Variants in SBF2 observed in about 807,000 individuals in gnomAD.
SBF2 encodes myotubularin-related protein 13.
A neutral mutation model predicts 225.2 loss-of-function variants in SBF2; 112 were observed. That is an observed-to-expected ratio of 0.50 (90% CI 0.43 to 0.58). The LOEUF (loss-of-function observed/expected upper bound fraction) is 0.58. Ranked by LOEUF, SBF2 falls within the 20% of genes least tolerant of loss-of-function variation. The pLI, the probability that SBF2 is intolerant of heterozygous loss-of-function variation, is 0.00. For missense variants in SBF2, 1,996 were observed against 2,206.2 expected (o/e 0.90, Z 1.91); for synonymous variants, 763 against 773.3 (o/e 0.99, Z 0.22).
chr11:9,785,874 G>GT (rs78852702), intron 36 of SBF2, among the ~76,000 whole-genome samples: 4 of 150,502 alleles, frequency 2.7e-5, no homozygotes, highest in African/African-American at 4.9e-5. Flanking sequence ...GATGTTGATG[G>GT]TTTTTTTTTT....
chr11:9,996,249 T>C (rs906113019), intron 9 of SBF2, among the ~76,000 whole-genome samples: 5 of 152,222 alleles, frequency 3.3e-5, no homozygotes, highest in African/African-American at 1.2e-4. Context: ...TTAATCACTG[T>C]AGGAATTCTA....
At chr11:9,833,702 G>A (rs574043315) in intron 26 of SBF2, among the ~76,000 whole-genome samples, 1 of 151,552 alleles carries the variant, frequency 6.6e-6, no homozygotes, top group Admixed American at 6.6e-5. Flanking sequence ...TTACAGGCAT[G>A]AGCCACCGTG....
intron 1 of SBF2, among the ~76,000 whole-genome samples, chr11:10,277,882 C>T (rs1194111852): frequency 1.3e-5 from 2 of 152,198 alleles, no homozygotes; most frequent in African/African-American, 4.8e-5. Flanking sequence ...GTCACCTTAA[C>T]TTCAGACTTC....
At chr11:10,262,923 G>T (rs1235698867) in intron 1 of SBF2, among the ~76,000 whole-genome samples, 1 of 151,712 alleles carries the variant, frequency 6.6e-6, no homozygotes, top group Admixed American at 6.6e-5. Flanking sequence ...GATCCTCAGG[G>T]AGTCTATAAT....
intron 17 of SBF2, among the ~76,000 whole-genome samples, chr11:9,880,016 G>T (rs1023291418): frequency 2.0e-5 from 3 of 149,032 alleles, no homozygotes; most frequent in African/African-American, 7.4e-5. Flanking sequence ...CCTGGGATGT[G>T]GAGGTTGCAG....
intron 1 of SBF2, among the ~76,000 whole-genome samples, chr11:10,231,512 CT>C (rs1350209092): frequency 1.3e-5 from 2 of 152,148 alleles, no homozygotes; most frequent in Admixed American, 6.6e-5. Flanking sequence ...CTGTTTGTTA[CT>C]TTTCCTTCTA....
intron 17 of SBF2, among the ~76,000 whole-genome samples, chr11:9,859,202 A>C (rs192018130): frequency 3.2e-4 from 48 of 152,210 alleles, no homozygotes; most frequent in Non-Finnish European, 5.9e-5. Flanking sequence ...ATAACACCAA[A>C]TTGTCTTTCA....
At chr11:10,155,927 T>G (rs1190877763) in intron 2 of SBF2, among the ~76,000 whole-genome samples, 1 of 152,200 alleles carries the variant, frequency 6.6e-6, no homozygotes, top group African/African-American at 2.4e-5. Flanking sequence ...CCAGCTGCAG[T>G]CAGGGACGTG....
At chr11:9,920,845 G>C (rs1316424745) in intron 16 of SBF2, among the ~76,000 whole-genome samples, 3 of 152,078 alleles carry the variant, frequency 2.0e-5, no homozygotes, top group African/African-American at 7.2e-5. Context: ...CATGGAGAGA[G>C]ACCACGTCTT....
At chr11:10,274,449 T>C (rs983006703) in intron 1 of SBF2, among the ~76,000 whole-genome samples, 1 of 152,118 alleles carries the variant, frequency 6.6e-6, no homozygotes, top group African/African-American at 2.4e-5. Context: ...TTTCATTTTA[T>C]TAAGAGAATT....
Position 9,832,306 on chromosome 11 carries a change from A to C in SBF2, c.3570T>G (p.Ser1190Arg), listed in dbSNP as rs2133937154. The change falls in exon 27 of 40, where the codon AGT becomes AGG. Residue 1190 changes from serine to arginine, a missense_variant. Coordinates refer to ENST00000256190, the MANE Select transcript of SBF2 (RefSeq NM_030962.4). ...LPVVCWKNSR[S>R]GTLLLRSGGF... Reference sequence around the variant, plus strand: ...CTCCAGATCGGAGGAGCAGAGTACCACTTCTTGAGTTCTTCCAACATACAA... The same window carrying C: ...CTCCAGATCGGAGGAGCAGAGTACCCCTTCTTGAGTTCTTCCAACATACAA... 1.2e-6 allele frequency: 2 copies of C among 1,614,140 alleles called. No homozygotes were observed. Among genetic ancestry groups the C allele is most frequent in the East Asian group, 4.5e-5 (2 of 44,874 alleles).
chr11:9,976,755 T>C (rs72857108), intron 13 of SBF2, among the ~76,000 whole-genome samples: 16,783 of 151,942 alleles, frequency 0.11, 1,051 homozygotes, highest in Non-Finnish European at 0.13. Flanking sequence ...TCTTTTCTTT[T>C]TTTTTGTTGT....
intron 2 of SBF2, among the ~76,000 whole-genome samples, 194 bp from the exon 3 acceptor site, chr11:10,043,175 T>C (rs915896334): frequency 1.3e-5 from 2 of 152,154 alleles, no homozygotes; most frequent in African/African-American, 2.4e-5. Flanking sequence ...GCATATATAT[T>C]TCATGAAGAT....
chr11:10,058,578 T>C (rs1386577068), intron 2 of SBF2, among the ~76,000 whole-genome samples: 2 of 152,186 alleles, frequency 1.3e-5, no homozygotes, highest in Non-Finnish European at 2.9e-5. Flanking sequence ...GCAAACAACG[T>C]GGAACATATA....
chr11:9,831,905 T>G (rs912242366), intron 27 of SBF2, among the ~76,000 whole-genome samples: 2 of 152,186 alleles, frequency 1.3e-5, no homozygotes, highest in African/African-American at 2.4e-5. Context: ...GAAAAAAGAT[T>G]GGTATAACCT....
intron 2 of SBF2, among the ~76,000 whole-genome samples, chr11:10,125,292 T>C (rs1159886706): frequency 1.3e-5 from 2 of 152,134 alleles, no homozygotes; most frequent in African/African-American, 4.8e-5. Context: ...TTCGATTTTC[T>C]AATACTTTGC....
In SBF2 at chr11:10,214,350, G is replaced by A. The variant is rs140528938; in HGVS notation, c.56-20363C>T. ...GTTAAAAACAGCCAATTGGCCGGGCGCGGTGGCTCACGCCTATAATCCCAA... is the reference window on the plus strand; with the variant it reads ...GTTAAAAACAGCCAATTGGCCGGGCACGGTGGCTCACGCCTATAATCCCAA... On this transcript the variant is annotated intron_variant, in intron 1 of 39. Transcript: ENST00000256190. Among the ~76,000 whole-genome samples the A allele has an allele frequency of 3.4e-3, 514 of 152,294 alleles. 10 individuals are homozygous for A. The highest frequency in any genetic ancestry group is 0.024 in the Admixed American group (363 of 15,298).
intron 2 of SBF2, among the ~76,000 whole-genome samples, chr11:10,186,820 C>T (rs1003908619): frequency 2.6e-5 from 4 of 152,194 alleles, no homozygotes; most frequent in African/African-American, 4.8e-5. Context: ...CAGTAAATCA[C>T]AAAGGTTTCA....
At chr11:10,111,749 C>A (rs990478706) in intron 2 of SBF2, among the ~76,000 whole-genome samples, 1 of 152,172 alleles carries the variant, frequency 6.6e-6, no homozygotes, top group Non-Finnish European at 1.5e-5. Context: ...CGGTGGCGCA[C>A]GCCTGTAATC....
Sources: allele counts gnomAD v4.1 joint callset (sites outside exome capture counted in the v4.1 genomes callset), GRCh38; gene constraint gnomAD v4.1.1; transcripts MANE v1.5; gene names NCBI Gene and HGNC (gene_info 2026-07-23, HGNC 2026-07-21).